The following ABCA13 variants were observed in gnomAD, a reference collection of about 807,000 sequenced individuals.
ABCA13 encodes ATP binding cassette subfamily A member 13.
ABCA13 carries 476 observed loss-of-function variants against 478.7 expected under a neutral mutation model. That is an observed-to-expected ratio of 0.99 (90% CI 0.92 to 1.07). The LOEUF is 1.07. Among genes scored for constraint, ABCA13 ranks in the 50% least tolerant of loss-of-function variants. ABCA13 has a pLI of 0.00. For missense variants in ABCA13, 6,060 were observed against 5,910.6 expected (o/e 1.03, Z -0.83); for synonymous variants, 2,252 against 2,158.9 (o/e 1.04, Z -1.20).
At chr7:48,351,607 T>A (rs1809006230) in intron 30 of ABCA13, among the ~76,000 whole-genome samples, 1 of 152,198 alleles carries the variant, frequency 6.6e-6, no homozygotes. Flanking sequence ...ACCTTCATAT[T>A]GAGTTAGGGC....
At chr7:48,217,277 C>A (rs1786628292) in intron 3 of ABCA13, among the ~76,000 whole-genome samples, 1 of 152,190 alleles carries the variant, frequency 6.6e-6, no homozygotes, top group Admixed American at 6.5e-5. Flanking sequence ...AGGAGAATTA[C>A]TTCTGCCTTT....
Position 48,644,735 on chromosome 7 carries a change from A to T in ABCA13, c.15062A>T (p.Asn5021Ile). 6.2e-7 allele frequency: 1 copy of T among 1,600,332 alleles called. No homozygotes were observed. Among genetic ancestry groups the T allele is most frequent in the Non-Finnish European group, 8.5e-7 (1 of 1,176,260 alleles). ...TFLNIKHYSI[N>I]QTTLEQVFIN... The stretch of plus-strand genomic sequence containing the variant: ...TTGAATATTAAGCATTATTCCATTA[A>T]CCAAACCACTTTGGAGCAGGTATAG... Residue 5021 changes from asparagine to isoleucine, a missense_variant, in exon 61 of 62, where the codon AAC becomes ATC. By Grantham distance (149) the Asn-to-Ile change is moderately radical (BLOSUM62 -3). Around this residue, in one of 3 missense-constraint regions of ABCA13, gnomAD observed 1,627 missense variants for 1,571.0 expected, o/e 1.04. Coordinates refer to ENST00000435803, the MANE Select transcript of ABCA13 (RefSeq NM_152701.5).
At chr7:48,365,766 A>G (rs924722876) in intron 31 of ABCA13, among the ~76,000 whole-genome samples, 4 of 152,164 alleles carry the variant, frequency 2.6e-5, no homozygotes, top group Admixed American at 2.0e-4. Context: ...ATTCTGTTTC[A>G]TTGGTTTATG....
chr7:48,243,388 G>A (rs6583459), intron 10 of ABCA13, among the ~76,000 whole-genome samples: 152,341 of 152,394 alleles, frequency 1, 76,144 homozygotes, highest in Middle Eastern at 1. Context: ...AACAATGACT[G>A]ACCTAAGCCC....
intron 20 of ABCA13, among the ~76,000 whole-genome samples, chr7:48,293,194 C>CCCCG (rs951469113): frequency 2.3e-5 from 3 of 128,426 alleles, no homozygotes; most frequent in East Asian, 5.9e-4. Flanking sequence ...AGTCTTCAGC[C>CCCCG]CCCCCCCCGC....
At chr7:48,287,866 A>C in intron 19 of ABCA13, 94 bp from the exon 20 acceptor site, 4 of 891,150 alleles carry the variant, frequency 4.5e-6, no homozygotes, top group Non-Finnish European at 7.2e-6. Context: ...AGGAATTTGT[A>C]TCACTTTGAA....
chr7:48,500,062 G>T (rs1027594290), intron 48 of ABCA13, among the ~76,000 whole-genome samples: 3 of 152,176 alleles, frequency 2.0e-5, no homozygotes, highest in Admixed American at 2.0e-4. Context: ...TACCAATTAT[G>T]CTTGACCTCA....
intron 48 of ABCA13, among the ~76,000 whole-genome samples, chr7:48,495,980 C>A (rs1311572896): frequency 1.3e-5 from 2 of 151,884 alleles, no homozygotes; most frequent in African/African-American, 4.8e-5. Context: ...ATTTTATTTC[C>A]AACCTATCTC....
chr7:48,291,761 G>A (rs1390203400), intron 20 of ABCA13, among the ~76,000 whole-genome samples: 1 of 152,082 alleles, frequency 6.6e-6, no homozygotes, highest in African/African-American at 2.4e-5. Context: ...GCCTGGTGCG[G>A]CTAACATAGA....
intron 42 of ABCA13, among the ~76,000 whole-genome samples, chr7:48,449,258 C>A (rs1015467323): frequency 3.9e-5 from 6 of 152,116 alleles, no homozygotes; most frequent in African/African-American, 1.4e-4. Flanking sequence ...CTTTTGATTT[C>A]TCTCTATTCC....
Position 48,317,284 on chromosome 7 carries a change from G to T in ABCA13, c.9987G>T (p.Lys3329Asn). 1 of 1,612,760 alleles carries T rather than the reference G, an allele frequency of 6.2e-7. No homozygotes were observed. The highest frequency in any genetic ancestry group is 8.5e-7 in the Non-Finnish European group (1 of 1,179,596). The change falls in exon 27 of 62, where the codon AAG (lysine) becomes AAT (asparagine). Residue 3329 changes from lysine (K) to asparagine (N), a missense_variant. By Grantham distance (94) the Lys-to-Asn change is moderately conservative. Around this residue, in one of 3 missense-constraint regions of ABCA13, gnomAD observed 4,423 missense variants for 4,309.1 expected, o/e 1.03. Coordinates refer to ENST00000435803, the MANE Select transcript of ABCA13 (RefSeq NM_152701.5). Reference sequence around the variant, plus strand: ...CACCAAACACTCCAGAAATTAACAAGGTCATTCAAAAGGTAAGTTAAAATA... The same window carrying T: ...CACCAAACACTCCAGAAATTAACAATGTCATTCAAAAGGTAAGTTAAAATA... ...LYTPNTPEIN[K>N]VIQKANYTFY...
intron 27 of ABCA13, among the ~76,000 whole-genome samples, chr7:48,329,537 C>A (rs544077747): frequency 1.2e-4 from 18 of 152,234 alleles, no homozygotes; most frequent in Admixed American, 7.8e-4. Flanking sequence ...AACAGACCAG[C>A]CTTTCTCTTT....
chr7:48,580,277 G>T lies in ABCA13; in HGVS notation c.14408G>T (p.Cys4803Phe). The T allele has an allele frequency of 3.1e-6, 5 of 1,611,940 alleles. No individual in the cohort carries two copies. Among genetic ancestry groups the T allele is most frequent in the Non-Finnish European group, 4.2e-6 (5 of 1,179,156 alleles). ...ACGGCAGGCGTGCTCATTGGCTACT[G>T]TCCCCAGCAGGATGCCCTGGACGAG... ...AGTAGVLIGY[C>F]PQQDALDELL... Residue 4803 changes from cysteine (C) to phenylalanine (F), a missense_variant, in exon 56 of 62, where the codon TGT becomes TTT. Physicochemically the swap from Cys to Phe is radical, Grantham distance 205 (BLOSUM62 -2). Around this residue, in one of 3 missense-constraint regions of ABCA13, gnomAD observed 1,627 missense variants for 1,571.0 expected, o/e 1.04. Coordinates refer to ENST00000435803, the MANE Select transcript of ABCA13 (RefSeq NM_152701.5).
chr7:48,346,277 C>A (rs1259749784), intron 29 of ABCA13, among the ~76,000 whole-genome samples: 1 of 152,092 alleles, frequency 6.6e-6, no homozygotes, highest in Non-Finnish European at 1.5e-5. Flanking sequence ...CAAAGCAGTT[C>A]CAGTTCTGCT....
At chr7:48,429,792 G>A (rs1563243291) in intron 42 of ABCA13, among the ~76,000 whole-genome samples, 3 of 152,126 alleles carry the variant, frequency 2.0e-5, no homozygotes, top group Admixed American at 6.5e-5. Flanking sequence ...GTTGCCAAAT[G>A]CTTTCTCTGC....
Position 48,644,671 on chromosome 7 carries a change from G to A in ABCA13, c.14998G>A (p.Ala5000Thr), listed in dbSNP as rs1795323700. Residue 5000 changes from alanine to threonine, a missense_variant, in exon 61 of 62, where the codon GCT becomes ACT. Coordinates refer to ENST00000435803, the MANE Select transcript of ABCA13 (RefSeq NM_152701.5). ...TGTGCCAAAAAGATGGGGATGCCTAGCTGACTTGTTCAAAGTTATAGAGAA... is the reference window on the plus strand; with the variant it reads ...TGTGCCAAAAAGATGGGGATGCCTAACTGACTTGTTCAAAGTTATAGAGAA... ...YHVPKRWGCL[A>T]DLFKVIENNK... The A allele has an allele frequency of 1.9e-6, 3 of 1,610,454 alleles. No individual in the cohort carries two copies. The highest frequency in any genetic ancestry group is 1.7e-5 in the Admixed American group (1 of 59,646).
chr7:48,644,219 C>T (rs1296670506), intron 60 of ABCA13, among the ~76,000 whole-genome samples: 1 of 152,146 alleles, frequency 6.6e-6, no homozygotes, highest in Non-Finnish European at 1.5e-5. Context: ...AATATCTTCC[C>T]AAGTGTTGCT....
chr7:48,288,145 G>T, intron 20 of ABCA13, 67 bp downstream of exon 20: 1 of 1,407,546 alleles, frequency 7.1e-7, no homozygotes, highest in Non-Finnish European at 1.0e-6. Context: ...AGGCAGTCCA[G>T]TTATTCAAAC....
chr7:48,541,465 C>T (rs998791042), intron 55 of ABCA13, among the ~76,000 whole-genome samples: 3 of 151,984 alleles, frequency 2.0e-5, no homozygotes, highest in Non-Finnish European at 4.4e-5. Flanking sequence ...GCTTTACATT[C>T]TAGATCTTAT....
Sources: gnomAD v4.1 joint callset for allele counts (sites outside exome capture counted in the v4.1 genomes callset) on GRCh38, gnomAD v4.1.1 for gene constraint, gnomAD v4.1.1 regional missense constraint, MANE v1.5 for transcripts, NCBI Gene and HGNC (gene_info 2026-07-23, HGNC 2026-07-21) for gene names.